Variants in SESN1 observed in about 807,000 individuals in gnomAD.
The protein encoded by SESN1 is sestrin-1.
SESN1 carries 30 observed loss-of-function variants against 59.3 expected under a neutral mutation model. The ratio of observed to expected loss-of-function variants is 0.51; its 90% CI spans 0.38 to 0.69. SESN1 has a LOEUF of 0.69. Ranked by LOEUF, SESN1 falls within the 30% of genes least tolerant of loss-of-function variation. The probability of loss-of-function intolerance (pLI) is 0.00; values close to 1 mark genes in which losing one functional copy is unlikely to be tolerated. For synonymous variants in SESN1, 197 were observed against 219.9 expected, an observed-to-expected ratio of 0.90 and a Z score of 0.92; for missense variants, 566 against 673.0, an observed-to-expected ratio of 0.84 and a Z score of 1.76.
intron 1 of SESN1, 137 bp downstream of exon 1, chr6:109,093,658 T>TA: frequency 1.2e-6 from 1 of 857,810 alleles, no homozygotes; most frequent in South Asian, 1.9e-5. Flanking sequence ...CTTGTTTACT[T>TA]ACAGAACACT....
intron 5 of SESN1, 132 bp downstream of exon 5, chr6:108,998,381 G>T (rs770749912): frequency 7.1e-6 from 7 of 988,488 alleles, no homozygotes; most frequent in Non-Finnish European, 3.0e-6. Flanking sequence ...CCTACTGAAT[G>T]AATAGATATA....
rs538472543 is a variant in SESN1 at position 109,028,926 on chromosome 6, G to T, written c.280-26583C>A. Among the ~76,000 whole-genome samples, 6 of 152,214 alleles carry T rather than the reference G, an allele frequency of 3.9e-5. No homozygotes were observed. In the East Asian group the frequency reaches 7.7e-4, roughly 20 times the overall value. ...ATGGTGCATATGGTGACATGAGAGC[G>T]GGTATCTCTGAATTGGGGCTGAAGT... is the stretch of plus-strand genomic sequence containing the variant. On this transcript the variant is annotated intron_variant, in intron 1 of 9. Transcript: ENST00000436639.
At chr6:109,053,444 G>A (rs956928248) in intron 1 of SESN1, among the ~76,000 whole-genome samples, 2 of 152,204 alleles carry the variant, frequency 1.3e-5, no homozygotes, top group African/African-American at 2.4e-5. Flanking sequence ...AAAGCATGGT[G>A]TGGGGGAGGG....
chr6:109,037,189 T>C (rs1780262767), intron 1 of SESN1, among the ~76,000 whole-genome samples: 2 of 152,240 alleles, frequency 1.3e-5, no homozygotes, highest in South Asian at 4.1e-4. Flanking sequence ...TTTAAGACTC[T>C]GTGATGCAAC....
chr6:109,093,772 G>C (rs1238260120), intron 1 of SESN1, 23 bp downstream of exon 1: 1 of 1,604,668 alleles, frequency 6.2e-7, no homozygotes, highest in Non-Finnish European at 8.5e-7. Context: ...AGACATAGTT[G>C]TATTTAAAAT....
chr6:109,065,461 A>G (rs915566391), intron 1 of SESN1, among the ~76,000 whole-genome samples: 2 of 152,184 alleles, frequency 1.3e-5, no homozygotes, highest in African/African-American at 4.8e-5. Context: ...CTTGGTTTTA[A>G]AAATCACCTG....
chr6:109,034,746 G>A (rs530864002), intron 1 of SESN1, among the ~76,000 whole-genome samples: 78 of 152,186 alleles, frequency 5.1e-4, no homozygotes, highest in Non-Finnish European at 8.5e-4. Flanking sequence ...TAAATTCTTC[G>A]TCTGTCTGAA....
At chr6:109,090,854 C>T (rs745719693) in intron 1 of SESN1, among the ~76,000 whole-genome samples, 27 of 152,302 alleles carry the variant, frequency 1.8e-4, no homozygotes, top group Non-Finnish European at 5.9e-5. Flanking sequence ...ACTGCAACCT[C>T]GAACTCTTGG....
chr6:109,046,998 G>T (rs1780455674), intron 1 of SESN1, among the ~76,000 whole-genome samples: 2 of 75,704 alleles, frequency 2.6e-5, no homozygotes, highest in Non-Finnish European at 5.3e-5. Flanking sequence ...AGGTGGGGGG[G>T]GTCAGCCCCC....
At chr6:109,010,282 C>T (rs928906532) in intron 1 of SESN1, among the ~76,000 whole-genome samples, 2 of 152,184 alleles carry the variant, frequency 1.3e-5, no homozygotes, top group African/African-American at 4.8e-5. Context: ...AGGAGAAAAA[C>T]AACTGACATT....
At chr6:109,008,415 T>C (rs1779779468) in intron 1 of SESN1, among the ~76,000 whole-genome samples, 1 of 152,120 alleles carries the variant, frequency 6.6e-6, no homozygotes, top group South Asian at 2.1e-4. Flanking sequence ...ACAAGGAACA[T>C]CTAATATGTC....
chr6:109,080,013 G>A (rs764596040), intron 1 of SESN1, among the ~76,000 whole-genome samples: 8 of 152,078 alleles, frequency 5.3e-5, no homozygotes, highest in Non-Finnish European at 1.0e-4. Flanking sequence ...CGTATTTTGG[G>A]AGATTTCAAA....
chr6:108,988,752 G>A (rs1329102155), intron 8 of SESN1, 65 bp from the exon 9 acceptor site: 29 of 1,297,196 alleles, frequency 2.2e-5, no homozygotes, highest in Non-Finnish European at 2.9e-5. Flanking sequence ...TCTTACAAAA[G>A]TATACACATC....
intron 1 of SESN1, among the ~76,000 whole-genome samples, chr6:109,076,317 A>G (rs1465331656): frequency 6.6e-6 from 1 of 152,222 alleles, no homozygotes; most frequent in Non-Finnish European, 1.5e-5. Context: ...AATTTGCTTG[A>G]TAAGAATCTA....
At chr6:108,999,462 A>C (rs1779570931) in intron 4 of SESN1, among the ~76,000 whole-genome samples, 2 of 152,172 alleles carry the variant, frequency 1.3e-5, no homozygotes, top group Non-Finnish European at 2.9e-5. Context: ...AGTGCATGGT[A>C]GACAATTTTA....
intron 1 of SESN1, among the ~76,000 whole-genome samples, chr6:109,053,225 G>GT (rs1421849325): frequency 6.6e-6 from 1 of 152,134 alleles, no homozygotes; most frequent in East Asian, 1.9e-4. Context: ...CATCTTATGA[G>GT]TAAGAATTAT....
intron 1 of SESN1, among the ~76,000 whole-genome samples, chr6:109,035,285 C>A (rs530082481): frequency 9.9e-5 from 15 of 152,054 alleles, no homozygotes; most frequent in African/African-American, 2.4e-4. Flanking sequence ...GTGTTAGATG[C>A]TGAATAAAAC....
rs1372860872 is a variant in SESN1 at position 108,984,383 on chromosome 6, TAGTG to T, written c.*3157_*3160del. 2.0e-5 allele frequency among the ~76,000 whole-genome samples: 3 copies of T among 152,182 alleles called. No individual in the cohort carries two copies. The highest frequency in any genetic ancestry group is 1.5e-5 in the Non-Finnish European group (1 of 68,034). ...AGTCCGATATCAAGGATTTAGTGCC[TAGTG>T]AGTGTTTTCTTCCTCACAGATGGCA... On this transcript the variant is annotated 3_prime_UTR_variant, in exon 10 of 10. Coordinates refer to ENST00000436639, the MANE Select transcript of SESN1 (RefSeq NM_014454.3).
intron 1 of SESN1, among the ~76,000 whole-genome samples, chr6:109,058,222 C>A (rs899321483): frequency 2.0e-5 from 3 of 152,042 alleles, no homozygotes; most frequent in Non-Finnish European, 4.4e-5. Flanking sequence ...GTAGCTGGAC[C>A]TACAGGCACA....
Sources: gnomAD v4.1 joint callset for allele counts (sites outside exome capture counted in the v4.1 genomes callset) on GRCh38, gnomAD v4.1.1 for gene constraint, MANE v1.5 for transcripts, NCBI Gene and HGNC (gene_info 2026-07-23, HGNC 2026-07-21) for gene names.